Variants in NKTR observed in about 807,000 individuals in gnomAD.
The protein encoded by NKTR is NK-tumor recognition protein.
In NKTR, 67 loss-of-function variants were observed where a neutral mutation model predicts 156.3. That is an observed-to-expected ratio of 0.43 (90% CI 0.35 to 0.53). NKTR has a LOEUF of 0.53. NKTR is among the 20% of genes least tolerant of loss of function. NKTR has a pLI of 0.01. For synonymous variants in NKTR, 640 were observed against 596.6 expected, an observed-to-expected ratio of 1.07 and a Z score of -1.06; for missense variants, 1,604 against 1,730.9, an observed-to-expected ratio of 0.93 and a Z score of 1.30.
intron 5 of NKTR, chr3:42,620,452 G>A (rs1358669441): frequency 3.0e-6 from 3 of 992,456 alleles, no homozygotes; most frequent in Admixed American, 6.1e-5. Flanking sequence ...GATTTGTAAT[G>A]AAATCTAATA....
chr3:42,634,512 A>G (rs1709204708), intron 10 of NKTR, 101 bp from the exon 11 acceptor site: 2 of 580,260 alleles, frequency 3.4e-6, no homozygotes, highest in South Asian at 5.5e-5. Context: ...GCAAAATGGC[A>G]TGTATCTTTG....
Position 42,623,496 on chromosome 3 carries a change from T to G in NKTR, c.374+1980T>G, listed in dbSNP as rs544566794. On this transcript the variant is annotated intron_variant, in intron 6 of 16. Transcript: ENST00000232978. The stretch of plus-strand genomic sequence containing the variant: ...GGCTAGAAAGATCAGTTCTCAAGAG[T>G]TGCAGGATAAAATCAAATTAACTTT... 1.3e-4 allele frequency among the ~76,000 whole-genome samples: 20 copies of G among 152,190 alleles called. No homozygotes were observed. The South Asian group carries it at 4.1e-3, about 31-fold the overall frequency.
intron 16 of NKTR, among the ~76,000 whole-genome samples, chr3:42,644,794 T>G (rs1256632612): frequency 6.6e-6 from 1 of 151,918 alleles, no homozygotes; most frequent in African/African-American, 2.4e-5. Flanking sequence ...CCATCTACCC[T>G]GCAGATCTCC....
chr3:42,644,081 C>A, intron 16 of NKTR, 78 bp downstream of exon 16: 1 of 813,928 alleles, frequency 1.2e-6, no homozygotes, highest in Non-Finnish European at 2.0e-6. Context: ...TGATGGGCTG[C>A]TAGTGGAAGA....
At position 42,630,594 on chromosome 3, in the gene NKTR, C is replaced by A; in HGVS notation, c.404+19C>A. The stretch of plus-strand genomic sequence containing the variant: ...TGGATGGGTAAGAGTTACATTCTTA[C>A]TACATTGGGGAAGTGTTTGGGTGGC... On this transcript the variant is annotated intron_variant, in intron 7 of 16. Transcript: ENST00000232978. The A allele has an allele frequency of 6.2e-7, 1 of 1,613,642 alleles. No individual in the cohort carries two copies. The highest frequency in any genetic ancestry group is 1.7e-5 in the Admixed American group (1 of 59,990).
Position 42,600,973 on chromosome 3 carries a change from C to G in NKTR, c.-23-11C>G, listed in dbSNP as rs753794362. 3 of 1,516,788 alleles carry G rather than the reference C, an allele frequency of 2.0e-6. No homozygotes were observed. The highest frequency in any genetic ancestry group is 2.7e-6 in the Non-Finnish European group (3 of 1,130,082). 94.0% of individuals were successfully genotyped at this position (1,516,788 alleles called of 1,614,324 possible). ...CCCTGCCCTGACCGCTTTTCTCCCC[C>G]TCTCTCCCAGCTCTTGCCGCCACCT... On this transcript the variant is annotated splice_polypyrimidine_tract_variant and intron_variant, in intron 1 of 16. Coordinates refer to ENST00000232978, the MANE Select transcript of NKTR (RefSeq NM_005385.4).
intron 8 of NKTR, 81 bp from the exon 9 acceptor site, chr3:42,632,520 G>T: frequency 2.5e-6 from 2 of 792,758 alleles, no homozygotes; most frequent in Non-Finnish European, 4.0e-6. Flanking sequence ...CATATTTTAT[G>T]ATATTCAGTA....
At chr3:42,603,481 G>GA (rs1705827523) in intron 2 of NKTR, among the ~76,000 whole-genome samples, 1 of 151,566 alleles carries the variant, frequency 6.6e-6, no homozygotes, top group African/African-American at 2.4e-5. Context: ...CCTGTGTTGT[G>GA]AAAAATCTCC....
In NKTR at chr3:42,638,871, TA is replaced by T. The variant is rs1428755974; in HGVS notation, c.3172del (p.Thr1058LeufsTer16). 6.2e-7 allele frequency: 1 copy of T among 1,607,674 alleles called. No individual in the cohort carries two copies. The highest frequency in any genetic ancestry group is 1.3e-5 in the African/African-American group (1 of 74,306). ...AATGAAACCATAAAAGATAATATTCTAAAAACTGAGAAATCCAGTGAAGAGG... is the reference window on the plus strand; with the variant it reads ...AATGAAACCATAAAAGATAATATTCTAAAACTGAGAAATCCAGTGAAGAGG... ...ENNETIKDNILKTEKSSEEDL... is the reference protein window; with the variant it reads ...ENNETIKDNIXKTEKSSEEDL... On this transcript the variant is annotated frameshift_variant, in exon 13 of 17. Transcript: ENST00000232978. LOFTEE classifies it high-confidence loss of function.
chr3:42,602,246 G>C (rs60348477), intron 2 of NKTR: 26,063 of 152,150 alleles, frequency 0.17, 2,697 homozygotes, highest in African/African-American at 0.29. Flanking sequence ...GTTGCCTACG[G>C]TATTCAGTGG....
chr3:42,617,720 G>T, intron 3 of NKTR, 76 bp downstream of exon 3: 1 of 730,186 alleles, frequency 1.4e-6, no homozygotes, highest in Non-Finnish European at 2.4e-6. Flanking sequence ...ATATTTTCCT[G>T]GAAGAATAAT....
rs1710334866 is a variant in NKTR, at chr3:42,646,125, G to A, written c.*150G>A. The A allele has an allele frequency of 4.1e-6, 2 of 491,572 alleles. No individual in the cohort carries two copies. Among genetic ancestry groups the A allele is most frequent in the Non-Finnish European group, 7.4e-6 (2 of 270,518 alleles). The allele number at this position is 491,572 out of a possible 1,614,324, so 30.5% of individuals were successfully genotyped here. A position where few individuals can be genotyped will look rare whatever the true frequency, so the allele number is the denominator to read the frequency against. Reference sequence around the variant, plus strand: ...TTGTTACTGGTTCATTTACATGTGGGGAGAAGAATTTAAAATACAGATATG... The same window carrying A: ...TTGTTACTGGTTCATTTACATGTGGAGAGAAGAATTTAAAATACAGATATG... On this transcript the variant is annotated 3_prime_UTR_variant, in exon 17 of 17. Transcript: ENST00000232978.
rs1709542779 is a variant in NKTR, at chr3:42,637,652, T to G, written c.1948T>G (p.Tyr650Asp). Residue 650 changes from tyrosine (Y) to aspartate (D), a missense_variant, in exon 13 of 17, where the codon TAC becomes GAC. Coordinates refer to ENST00000232978, the MANE Select transcript of NKTR (RefSeq NM_005385.4). ...CCATTTGCTACCCATCCAAAGCACT[T>G]ACAGTTTAGCAAATATTAAAGAGAC... Reference protein sequence around the residue: ...TTHLLPIQSTYSLANIKETGS... With the variant: ...TTHLLPIQSTDSLANIKETGS... 1 of 1,612,532 alleles carries G rather than the reference T, an allele frequency of 6.2e-7. No individual in the cohort carries two copies. Among genetic ancestry groups the G allele is most frequent in the Non-Finnish European group, 8.5e-7 (1 of 1,179,672 alleles).
intron 2 of NKTR, among the ~76,000 whole-genome samples, chr3:42,612,745 G>T (rs1238457580): frequency 6.6e-6 from 1 of 152,010 alleles, no homozygotes; most frequent in Non-Finnish European, 1.5e-5. Context: ...GTGCTCAGTT[G>T]TCTCCAGTTT....
At chr3:42,643,461 T>G (rs1415485477) in intron 15 of NKTR, 66 bp downstream of exon 15, 1 of 1,309,198 alleles carries the variant, frequency 7.6e-7, no homozygotes. Context: ...GTAAACTGTT[T>G]GTTCAAAGTG....
At position 42,619,559 on chromosome 3, in the gene NKTR, T is replaced by C. The variant is rs1479882691; in HGVS notation, c.242-105T>C. On this transcript the variant is annotated intron_variant, in intron 4 of 16. Coordinates refer to ENST00000232978, the MANE Select transcript of NKTR (RefSeq NM_005385.4). ...AGAATTTTGATTATTGCAGCAGTTA[T>C]AACATTCCAAGGTTTCCTTCAGCGA... is the stretch of plus-strand genomic sequence containing the variant. The C allele has an allele frequency of 1.1e-5, 17 of 1,571,628 alleles. No individual in the cohort carries two copies. In the Admixed American group the frequency reaches 3.0e-4, roughly 27 times the overall value.
rs755653290 is a variant in NKTR at position 42,638,614 on chromosome 3, T to C, written c.2910T>C (p.Asn970=). The C allele has an allele frequency of 1.3e-5, 21 of 1,612,962 alleles. No individual in the cohort carries two copies. The highest frequency in any genetic ancestry group is 1.7e-5 in the Non-Finnish European group (20 of 1,179,826). Residue 970 remains asparagine, a synonymous_variant, in exon 13 of 17, where the codon AAT becomes AAC. Transcript: ENST00000232978. ...GGTCCTGTTCCAATTCGGAAAACAATAGGGGAAAGCCACAAAAGCACAAAC... is the reference window on the plus strand; with the variant it reads ...GGTCCTGTTCCAATTCGGAAAACAACAGGGGAAAGCCACAAAAGCACAAAC... ...SEGSCSNSEN[N]RGKPQKHKHG... is the part of the protein sequence containing the mutation.
intron 3 of NKTR, among the ~76,000 whole-genome samples, chr3:42,618,298 C>T (rs1306160958): frequency 6.7e-6 from 1 of 150,116 alleles, no homozygotes; most frequent in African/African-American, 2.5e-5. Flanking sequence ...TTGCAATGAG[C>T]CAAGATTGCG....
At position 42,646,008 on chromosome 3, in the gene NKTR, A is replaced by G; in HGVS notation, c.*33A>G. On this transcript the variant is annotated 3_prime_UTR_variant, in exon 17 of 17. Coordinates refer to ENST00000232978, the MANE Select transcript of NKTR (RefSeq NM_005385.4). ...CGGATACAAATTATATCTTATTTGTAAATATCTGGCAACTTAGCTTAAGAA... is the reference window on the plus strand; with the variant it reads ...CGGATACAAATTATATCTTATTTGTGAATATCTGGCAACTTAGCTTAAGAA... 6.8e-6 allele frequency: 10 copies of G among 1,475,708 alleles called. No homozygotes were observed. The highest frequency in any genetic ancestry group is 9.5e-6 in the Non-Finnish European group (10 of 1,057,520). The allele number at this position is 1,475,708 out of a possible 1,614,324, so 91.4% of individuals were successfully genotyped here.
Sources: gnomAD v4.1 joint callset for allele counts (sites outside exome capture counted in the v4.1 genomes callset) on GRCh38, gnomAD v4.1.1 for gene constraint, MANE v1.5 for transcripts, NCBI Gene and HGNC (gene_info 2026-07-23, HGNC 2026-07-21) for gene names.